The following PPARGC1A variants were observed in gnomAD, a reference collection of about 807,000 sequenced individuals.
PPARGC1A encodes PPARG coactivator 1 alpha, also known as peroxisome proliferator-activated receptor gamma coactivator 1-alpha.
PPARGC1A carries 25 observed loss-of-function variants against 88.7 expected under a neutral mutation model. The observed-to-expected ratio is 0.28, with a 90% CI of 0.21 to 0.39. The LOEUF is 0.39. PPARGC1A is among the 10% of genes least tolerant of loss of function. The probability of loss-of-function intolerance (pLI) is 1.00; values close to 1 mark genes in which losing one functional copy is unlikely to be tolerated. For missense variants in PPARGC1A, 880 were observed against 968.7 expected (o/e 0.91, Z 1.22); for synonymous variants, 363 against 355.6 (o/e 1.02, Z -0.24).
chr4:24,096,597 C>T, the PPARGC1A span, among the ~76,000 whole-genome samples: 1 of 152,120 alleles, frequency 6.6e-6, no homozygotes, highest in Admixed American at 6.5e-5. Flanking sequence ...AACTAGGTAC[C>T]TTACAAAAAC....
chr4:24,452,757 A>T, the PPARGC1A span, among the ~76,000 whole-genome samples: 1 of 152,220 alleles, frequency 6.6e-6, no homozygotes, highest in Non-Finnish European at 1.5e-5. Flanking sequence ...TTTACAGTCT[A>T]GTGGGGAGAC....
At chr4:23,807,870 T>G (rs1222341998) in intron 10 of PPARGC1A, among the ~76,000 whole-genome samples, 1 of 152,150 alleles carries the variant, frequency 6.6e-6, no homozygotes, top group Non-Finnish European at 1.5e-5. Context: ...TATTCATCTT[T>G]CCATAAAACT....
the PPARGC1A span, among the ~76,000 whole-genome samples, chr4:24,322,469 T>C: frequency 6.6e-6 from 1 of 152,226 alleles, no homozygotes; most frequent in Non-Finnish European, 1.5e-5. Context: ...TGTTTCTATA[T>C]GTCATTTATA....
chr4:24,203,505 TAAC>T, the PPARGC1A span, among the ~76,000 whole-genome samples: 1 of 151,638 alleles, frequency 6.6e-6, no homozygotes, highest in Non-Finnish European at 1.5e-5. Context: ...AATTCAGAAA[TAAC>T]AAACTATTTG....
At chr4:24,318,453 G>C in the PPARGC1A span, among the ~76,000 whole-genome samples, 9 of 152,360 alleles carry the variant, frequency 5.9e-5, no homozygotes, top group South Asian at 1.9e-3. Flanking sequence ...AGGAACATCA[G>C]AAAAGGCAAA....
the PPARGC1A span, among the ~76,000 whole-genome samples, chr4:23,955,651 A>G: frequency 1.3e-5 from 2 of 152,112 alleles, no homozygotes; most frequent in Admixed American, 1.3e-4. Context: ...TTTATTAACT[A>G]TTGAGTAACA....
chr4:24,388,875 G>A, the PPARGC1A span, among the ~76,000 whole-genome samples: 2 of 152,118 alleles, frequency 1.3e-5, no homozygotes, highest in African/African-American at 4.8e-5. Flanking sequence ...TGTAGATGAC[G>A]GGTTGATGGG....
chr4:24,276,189 C>A, the PPARGC1A span, among the ~76,000 whole-genome samples: 1 of 152,160 alleles, frequency 6.6e-6, no homozygotes, highest in African/African-American at 2.4e-5. Context: ...TCACCTGAAT[C>A]CCTCCAGTAA....
chr4:24,381,981 T>G, the PPARGC1A span, among the ~76,000 whole-genome samples: 2 of 152,198 alleles, frequency 1.3e-5, no homozygotes, highest in Admixed American at 6.5e-5. Context: ...ATTCTTTCCT[T>G]CCACTCACCT....
At chr4:24,175,933 A>T in the PPARGC1A span, among the ~76,000 whole-genome samples, 3 of 152,040 alleles carry the variant, frequency 2.0e-5, no homozygotes, top group Non-Finnish European at 2.9e-5. Context: ...GAAGCTTAGC[A>T]GCCCTGAGCA....
At chr4:23,896,058 G>A (rs181741879) in intron 1 of PPARGC1A, among the ~76,000 whole-genome samples, 276 of 151,208 alleles carry the variant, frequency 1.8e-3, no homozygotes, top group African/African-American at 6.6e-3. Context: ...ATAGCATAAT[G>A]GGAGAGTGTT....
At chr4:24,200,663 A>AAAAAAAAAAC in the PPARGC1A span, among the ~76,000 whole-genome samples, 1 of 149,584 alleles carries the variant, frequency 6.7e-6, no homozygotes, top group African/African-American at 2.4e-5. Flanking sequence ...AGCAAAAAAA[A>AAAAAAAAAAC]AAAAAAAACT....
the PPARGC1A span, among the ~76,000 whole-genome samples, chr4:24,286,680 A>G: frequency 6.6e-6 from 1 of 151,912 alleles, no homozygotes; most frequent in African/African-American, 2.4e-5. Flanking sequence ...TTTCCTCCAC[A>G]CTCCTTATGT....
At chr4:24,255,562 G>T in the PPARGC1A span, among the ~76,000 whole-genome samples, 1 of 152,156 alleles carries the variant, frequency 6.6e-6, no homozygotes, top group Admixed American at 6.5e-5. Flanking sequence ...AATCCATACA[G>T]TCTGCTACAT....
chr4:23,848,793 A>T (rs2148654556), intron 2 of PPARGC1A, among the ~76,000 whole-genome samples: 1 of 152,260 alleles, frequency 6.6e-6, no homozygotes, highest in South Asian at 2.1e-4. Context: ...AAGGGTTTCA[A>T]GTTACAATTC....
chr4:23,935,109 C>T, the PPARGC1A span, among the ~76,000 whole-genome samples: 5 of 152,160 alleles, frequency 3.3e-5, no homozygotes, highest in Non-Finnish European at 5.9e-5. Context: ...ATCCTTCTTG[C>T]AAAATACTAC....
At chr4:24,202,789 C>T in the PPARGC1A span, among the ~76,000 whole-genome samples, 14 of 152,264 alleles carry the variant, frequency 9.2e-5, no homozygotes, top group South Asian at 2.1e-4. Context: ...TGAGTCCAAG[C>T]GAGGTCATTA....
the PPARGC1A span, among the ~76,000 whole-genome samples, chr4:24,119,383 AG>A: frequency 6.6e-6 from 1 of 152,182 alleles, no homozygotes; most frequent in Non-Finnish European, 1.5e-5. Context: ...ACCTGGTGTT[AG>A]AAGGCAGGAA....
At chr4:24,018,742 G>A in the PPARGC1A span, among the ~76,000 whole-genome samples, 5 of 149,438 alleles carry the variant, frequency 3.3e-5, no homozygotes, top group Non-Finnish European at 5.9e-5. Flanking sequence ...CCAAATCTCT[G>A]ATAAAGCCTT....
Sources: allele counts gnomAD v4.1 joint callset (sites outside exome capture counted in the v4.1 genomes callset), GRCh38; gene constraint gnomAD v4.1.1; transcripts MANE v1.5; gene names NCBI Gene and HGNC (gene_info 2026-07-23, HGNC 2026-07-21).